Variants in AZIN2 observed in about 807,000 individuals in gnomAD.
AZIN2 encodes antizyme inhibitor 2, also known as ODC antizyme inhibitor-2.
AZIN2 carries 28 observed loss-of-function variants against 47.8 expected under a neutral mutation model. The observed-to-expected ratio is 0.59, with a 90% CI of 0.43 to 0.80. The LOEUF is 0.80. AZIN2 is among the 30% of genes least tolerant of loss of function. The pLI is 0.00. For missense variants in AZIN2, 535 were observed against 582.5 expected, an observed-to-expected ratio of 0.92 and a Z score of 0.84; for synonymous variants, 221 against 239.4, an observed-to-expected ratio of 0.92 and a Z score of 0.71.
chr1:33,137,605 G>C, the AZIN2 span, among the ~76,000 whole-genome samples: 10 of 152,136 alleles, frequency 6.6e-5, no homozygotes, highest in African/African-American at 1.9e-4. Context: ...ATCCCCAGAG[G>C]GGGGATCTTG....
At chr1:33,086,562 G>A (rs1048203236) in intron 5 of AZIN2, among the ~76,000 whole-genome samples, 1 of 152,208 alleles carries the variant, frequency 6.6e-6, no homozygotes, top group Non-Finnish European at 1.5e-5. Flanking sequence ...GTAGTGGGTG[G>A]CCATGCTTAA....
At chr1:33,160,579 A>G in the AZIN2 span, among the ~76,000 whole-genome samples, 2 of 151,720 alleles carry the variant, frequency 1.3e-5, no homozygotes, top group South Asian at 4.2e-4. Flanking sequence ...TAATTTTTGT[A>G]TTTTTAGTAG....
the AZIN2 span, chr1:33,143,245 T>A: frequency 2.6e-5 from 4 of 152,198 alleles, no homozygotes; most frequent in Non-Finnish European, 5.9e-5. Flanking sequence ...GCCTCTATAG[T>A]TACTTCCACA....
chr1:33,147,355 C>T, the AZIN2 span: 2 of 1,614,082 alleles, frequency 1.2e-6, no homozygotes, highest in Non-Finnish European at 1.7e-6. The surrounding 1 kb of genome is among the most constrained non-coding windows in gnomAD (Gnocchi z 8.1). Context: ...CAGGAAGACA[C>T]CCACCTTGTC....
At chr1:33,165,902 C>A in the AZIN2 span, 13 of 190,256 alleles carry the variant, frequency 6.8e-5, no homozygotes, top group African/African-American at 2.6e-4. This position sits in a 1 kb window ranked among gnomAD's most constrained non-coding sequence, Gnocchi z 4.0. Flanking sequence ...GGGTCTCCAA[C>A]CCCCAGGCCA....
the AZIN2 span, among the ~76,000 whole-genome samples, chr1:33,150,242 T>C: frequency 4.6e-5 from 7 of 152,232 alleles, no homozygotes; most frequent in African/African-American, 7.2e-5. Flanking sequence ...GCTCTCTGGC[T>C]CTTTCCTTTA....
chr1:33,098,398 G>A (rs760601756), intron 10 of AZIN2, among the ~76,000 whole-genome samples: 3 of 152,116 alleles, frequency 2.0e-5, no homozygotes, highest in African/African-American at 4.8e-5. Flanking sequence ...GAATCATATT[G>A]TTTTGTAACC....
chr1:33,130,481 G>A, the AZIN2 span, among the ~76,000 whole-genome samples: 1 of 152,168 alleles, frequency 6.6e-6, no homozygotes. Context: ...ATGTGTCAAA[G>A]AACAGATGAC....
chr1:33,095,758 A>G (rs1460846548), intron 8 of AZIN2, among the ~76,000 whole-genome samples: 1 of 152,244 alleles, frequency 6.6e-6, no homozygotes, highest in African/African-American at 2.4e-5. Flanking sequence ...AGCCTTGCTG[A>G]TAACATAAAC....
At chr1:33,133,389 T>C in the AZIN2 span, among the ~76,000 whole-genome samples, 1 of 152,254 alleles carries the variant, frequency 6.6e-6, no homozygotes, top group Non-Finnish European at 1.5e-5. Flanking sequence ...CCTGGGTGTT[T>C]TGCACAATAA....
intron 10 of AZIN2, among the ~76,000 whole-genome samples, chr1:33,103,907 G>T (rs1181397423): frequency 6.6e-6 from 1 of 150,506 alleles, no homozygotes; most frequent in Non-Finnish European, 1.5e-5. Flanking sequence ...TTTTGAGATG[G>T]AGTCTCACTC....
At chr1:33,118,231 C>T (rs1195870916) in intron 11 of AZIN2, 115 bp downstream of exon 11, 16 of 1,184,666 alleles carry the variant, frequency 1.4e-5, no homozygotes, top group Non-Finnish European at 1.7e-5. Flanking sequence ...TAGCTGTTGG[C>T]TGCTGGTCCC....
the AZIN2 span, among the ~76,000 whole-genome samples, chr1:33,156,834 A>G: frequency 3.3e-5 from 5 of 151,488 alleles, no homozygotes; most frequent in African/African-American, 9.7e-5. Context: ...AATAATTACT[A>G]TCTCCCTCGT....
In AZIN2 at chr1:33,120,336, T is replaced by C; in HGVS notation, c.*154T>C. 5 of 1,014,902 alleles carry C rather than the reference T, an allele frequency of 4.9e-6. No individual in the cohort carries two copies. Among genetic ancestry groups the C allele is most frequent in the South Asian group, 4.9e-5 (3 of 61,608 alleles). The allele number at this position is 1,014,902 out of a possible 1,614,324, so 62.9% of individuals were successfully genotyped here. ...ACCTGCAGTGTTTCTGCCCTGTAAA[T>C]AGGACCAGTCTTACACTCGCTGTAG... is the stretch of plus-strand genomic sequence containing the variant. On this transcript the variant is annotated 3_prime_UTR_variant, in exon 12 of 12. Coordinates refer to ENST00000294517, the MANE Select transcript of AZIN2 (RefSeq NM_052998.4).
At chr1:33,085,566 G>A (rs1345853304) in intron 5 of AZIN2, among the ~76,000 whole-genome samples, 1 of 152,182 alleles carries the variant, frequency 6.6e-6, no homozygotes, top group South Asian at 2.1e-4. Flanking sequence ...AATATGGCTG[G>A]ATGTTGTGAG....
At chr1:33,111,244 T>C (rs908229409) in intron 10 of AZIN2, among the ~76,000 whole-genome samples, 10 of 152,246 alleles carry the variant, frequency 6.6e-5, no homozygotes, top group Admixed American at 2.6e-4. Flanking sequence ...GGCTGAACTT[T>C]AATTACTAAT....
Position 33,082,159 on chromosome 1 carries a change from A to C in AZIN2, c.-72-19A>C. ...AGCCGGCCCCCCAGCGGTTCCCTTC[A>C]TCTCCCCTCGCCCCGCAGTGTGTTG... On this transcript the variant is annotated intron_variant, in intron 3 of 11. Transcript: ENST00000294517. 4 of 1,109,574 alleles carry C rather than the reference A, an allele frequency of 3.6e-6. No individual in the cohort carries two copies. Among genetic ancestry groups the C allele is most frequent in the Non-Finnish European group, 4.0e-6 (3 of 747,970 alleles). The allele number at this position is 1,109,574 out of a possible 1,614,324, so 68.7% of individuals were successfully genotyped here. A position where few individuals can be genotyped will look rare whatever the true frequency, so the allele number is the denominator to read the frequency against.
the AZIN2 span, chr1:33,147,487 C>A: frequency 6.2e-7 from 1 of 1,613,326 alleles, no homozygotes. The surrounding 1 kb of genome is among the most constrained non-coding windows in gnomAD (Gnocchi z 8.1). Context: ...GCCCTTGCGG[C>A]TTGCGGCTTC....
At chr1:33,126,128 T>C (rs1644854971), downstream of AZIN2, among the ~76,000 whole-genome samples, 1 of 152,272 alleles carries the variant, frequency 6.6e-6, no homozygotes, top group African/African-American at 2.4e-5. Flanking sequence ...AATTAAGTTC[T>C]GAGGGCAAAG....
Sources: allele counts gnomAD v4.1 joint callset (sites outside exome capture counted in the v4.1 genomes callset), GRCh38; gene constraint gnomAD v4.1.1; non-coding constraint Gnocchi (gnomAD v3.1); transcripts MANE v1.5; gene names NCBI Gene and HGNC (gene_info 2026-07-23, HGNC 2026-07-21).